THAP6: variants seen among roughly 807,000 people sequenced by gnomAD.
THAP6 encodes the protein THAP domain containing 6.
Under a neutral mutation model 20.0 loss-of-function variants are expected in THAP6, and 13 were observed. That is an observed-to-expected ratio of 0.65 (90% CI 0.42 to 1.03). THAP6 has a LOEUF of 1.03. Among genes scored for constraint, THAP6 ranks in the 50% least tolerant of loss-of-function variants. THAP6 has a pLI of 0.00. For synonymous variants in THAP6, 93 were observed against 92.2 expected (o/e 1.01, Z -0.05); for missense variants, 262 against 261.6 (o/e 1.00, Z -0.01).
chr4:75,528,794 A>G lies in THAP6; in HGVS notation c.*1580A>G, dbSNP rs1170946787. The G allele has an allele frequency of 1.6e-5, 16 of 982,920 alleles. No individual in the cohort carries two copies. Among genetic ancestry groups the G allele is most frequent in the Non-Finnish European group, 1.8e-5 (15 of 828,212 alleles). 60.9% of individuals were successfully genotyped at this position (982,920 alleles called of 1,614,324 possible). Reference sequence around the variant, plus strand: ...GGCCGGGTGGTGGCTCATACCTGTAATCCTAGCACTTTGGGAGGCCAAGGC... The same window carrying G: ...GGCCGGGTGGTGGCTCATACCTGTAGTCCTAGCACTTTGGGAGGCCAAGGC... On this transcript the variant is annotated 3_prime_UTR_variant, in exon 5 of 5. Coordinates refer to ENST00000311638, the MANE Select transcript of THAP6 (RefSeq NM_144721.6).
At chr4:75,545,485 T>C (rs976468330) in intron 3 of THAP6, among the ~76,000 whole-genome samples, 6 of 152,148 alleles carry the variant, frequency 3.9e-5, no homozygotes, top group Admixed American at 2.0e-4. Flanking sequence ...TAAGCAAGCC[T>C]TGCAGGAAGT....
downstream of THAP6, among the ~76,000 whole-genome samples, chr4:75,533,354 T>G (rs1726745627): frequency 6.6e-6 from 1 of 152,212 alleles, no homozygotes; most frequent in Non-Finnish European, 1.5e-5. Flanking sequence ...GATTTCATTG[T>G]CCATATTGTT....
At chr4:75,517,009 T>C (rs756399516) in intron 3 of THAP6, 30 bp downstream of exon 3, 1 of 1,388,746 alleles carries the variant, frequency 7.2e-7, no homozygotes, top group African/African-American at 1.5e-5. Flanking sequence ...TTTACCATCA[T>C]TGCTCACTTT....
chr4:75,526,984 A>T lies in THAP6; in HGVS notation c.439A>T (p.Ser147Cys), dbSNP rs1252127416. 1 of 1,614,062 alleles carries T rather than the reference A, an allele frequency of 6.2e-7. No homozygotes were observed. The highest frequency in any genetic ancestry group is 1.7e-5 in the Admixed American group (1 of 60,002). Residue 147 changes from serine (S) to cysteine (C), a missense_variant, in exon 5 of 5, where the codon AGT (serine) becomes TGT (cysteine). Ser to Cys is a moderately radical substitution (Grantham distance 112). Transcript: ENST00000311638. ...GGAACATAGCTACAGTGTAATGGAC[A>T]GTCCAAAGAAACTTAAGCATAAATT... is the stretch of plus-strand genomic sequence containing the variant. ...IFEHSYSVMD[S>C]PKKLKHKLDH...
intron 1 of THAP6, chr4:75,514,775 G>A (rs1007948822): frequency 3.8e-5 from 6 of 157,876 alleles, no homozygotes; most frequent in African/African-American, 1.2e-4. Flanking sequence ...TGGACGCCAG[G>A]GTGCTCGCTG....
upstream of THAP6, chr4:75,514,023 G>A (rs1217580949): frequency 1.1e-5 from 11 of 960,428 alleles, no homozygotes; most frequent in Admixed American, 5.9e-5. Flanking sequence ...GGAAAGGTGG[G>A]GCTTATCGCC....
chr4:75,530,985 A>G (rs2148826074), downstream of THAP6, among the ~76,000 whole-genome samples: 1 of 152,320 alleles, frequency 6.6e-6, no homozygotes, highest in Non-Finnish European at 1.5e-5. Context: ...AGCCCCACAG[A>G]AAACTCTGAA....
At chr4:75,540,000 G>C (rs995138818) in intron 2 of THAP6, 3 of 1,526,530 alleles carry the variant, frequency 2.0e-6, no homozygotes, top group African/African-American at 2.8e-5. Context: ...CTCTCTTGTG[G>C]CAGCTCAGAA....
chr4:75,528,020 A>G lies in THAP6; in HGVS notation c.*806A>G, dbSNP rs1469101141. 1.4e-5 allele frequency: 14 copies of G among 985,136 alleles called. No individual in the cohort carries two copies. The Admixed American group carries it at 8.0e-4, about 56-fold the overall frequency. The allele number at this position is 985,136 out of a possible 1,614,324, so 61.0% of individuals were successfully genotyped here. A position where few individuals can be genotyped will look rare whatever the true frequency, so the allele number is the denominator to read the frequency against. Reference sequence around the variant, plus strand: ...AAATCTGAATGGCAGTACTAGCTCTATACTTTTAATACTGCTTTGTATTTT... The same window carrying G: ...AAATCTGAATGGCAGTACTAGCTCTGTACTTTTAATACTGCTTTGTATTTT... On this transcript the variant is annotated 3_prime_UTR_variant, in exon 5 of 5. Coordinates refer to ENST00000311638, the MANE Select transcript of THAP6 (RefSeq NM_144721.6).
chr4:75,522,802 A>G (rs1039343095), intron 4 of THAP6, among the ~76,000 whole-genome samples: 5 of 152,170 alleles, frequency 3.3e-5, no homozygotes, highest in African/African-American at 4.8e-5. Context: ...ATAGTACTCC[A>G]TGGTGTTTAA....
Position 75,514,507 on chromosome 4 carries a change from C to T in THAP6, c.-34C>T, listed in dbSNP as rs980609686. ...CTCCGTCGTTGACGTTAGTCGCAGT[C>T]TTCGCTGCTAACGGTAATAACTCTT... On this transcript the variant is annotated 5_prime_UTR_variant, in exon 1 of 5. Transcript: ENST00000311638. 4 of 520,846 alleles carry T rather than the reference C, an allele frequency of 7.7e-6. No individual in the cohort carries two copies. The highest frequency in any genetic ancestry group is 3.8e-5 in the African/African-American group (2 of 52,976). The allele number at this position is 520,846 out of a possible 1,614,324, so 32.3% of individuals were successfully genotyped here.
At chr4:75,514,001 A>G, upstream of THAP6, 2 of 740,512 alleles carry the variant, frequency 2.7e-6, no homozygotes, top group Non-Finnish European at 4.1e-6. Flanking sequence ...CTTTAAAGGT[A>G]CGAAGCAGGT....
chr4:75,524,459 AC>A (rs1726239244), intron 4 of THAP6, among the ~76,000 whole-genome samples: 1 of 152,188 alleles, frequency 6.6e-6, no homozygotes, highest in Non-Finnish European at 1.5e-5. Context: ...TACAGGACTT[AC>A]TTTAACATTT....
Position 75,527,769 on chromosome 4 carries a change from T to A in THAP6, c.*555T>A. On this transcript the variant is annotated 3_prime_UTR_variant, in exon 5 of 5. Coordinates refer to ENST00000311638, the MANE Select transcript of THAP6 (RefSeq NM_144721.6). ...CTCTGAGAATAACACATAGTGAAGA[T>A]CTGTGGGCTTTTAAAATTGTTCACA... is the stretch of plus-strand genomic sequence containing the variant. 1.0e-6 allele frequency: 1 copy of A among 986,644 alleles called. No individual in the cohort carries two copies. The highest frequency in any genetic ancestry group is 1.2e-6 in the Non-Finnish European group (1 of 830,778). The allele number at this position is 986,644 out of a possible 1,614,324, so 61.1% of individuals were successfully genotyped here.
chr4:75,529,692 C>T lies in THAP6; in HGVS notation c.*2478C>T, dbSNP rs1412365161. On this transcript the variant is annotated 3_prime_UTR_variant, in exon 5 of 5. Transcript: ENST00000311638. ...CCCCCTCCAGAAATTTCTCTGGCAG[C>T]CAAGCCTGACCCTAAGGGTTCCACT... 1.0e-6 allele frequency: 1 copy of T among 985,456 alleles called. No individual in the cohort carries two copies. The highest frequency in any genetic ancestry group is 1.2e-6 in the Non-Finnish European group (1 of 829,960). The allele number at this position is 985,456 out of a possible 1,614,324, so 61.0% of individuals were successfully genotyped here.
intron 3 of THAP6, chr4:75,544,790 G>A (rs1010722794): frequency 6.6e-6 from 1 of 151,660 alleles, no homozygotes; most frequent in Non-Finnish European, 1.5e-5. Context: ...TAATCTGTAG[G>A]TTCCCACTCC....
Position 75,529,168 on chromosome 4 carries a change from A to G in THAP6, c.*1954A>G. On this transcript the variant is annotated 3_prime_UTR_variant, in exon 5 of 5. Coordinates refer to ENST00000311638, the MANE Select transcript of THAP6 (RefSeq NM_144721.6). ...GGGTATGATCTTAGGTTTTATGGAG[A>G]TGTTTTCAATAGAGATTATTTTTCC... The G allele has an allele frequency of 1.0e-6, 1 of 983,178 alleles. No homozygotes were observed. Among genetic ancestry groups the G allele is most frequent in the Non-Finnish European group, 1.2e-6 (1 of 827,886 alleles). 60.9% of individuals were successfully genotyped at this position (983,178 alleles called of 1,614,324 possible).
chr4:75,539,247 C>T (rs139720827), intron 2 of THAP6, among the ~76,000 whole-genome samples: 1,913 of 152,288 alleles, frequency 0.013, 35 homozygotes, highest in African/African-American at 0.044. Context: ...TATACCACAG[C>T]ATCTTACAGT....
At position 75,516,827 on chromosome 4, in the gene THAP6, G is replaced by T; in HGVS notation, c.136G>T (p.Asp46Tyr). 6.2e-7 allele frequency: 1 copy of T among 1,614,040 alleles called. No individual in the cohort carries two copies. Among genetic ancestry groups the T allele is most frequent in the South Asian group, 1.1e-5 (1 of 91,072 alleles). ...RKWVLAMKRL[D>Y]VNAAGIWEPK... ...ATGGGTATTAGCAATGAAAAGACTT[G>T]ATGTGAATGCAGCCGGCATTTGGGA... Residue 46 changes from aspartate to tyrosine, a missense_variant, in exon 3 of 5, where the codon GAT becomes TAT. Transcript: ENST00000311638.
Sources: gnomAD v4.1 joint callset for allele counts (sites outside exome capture counted in the v4.1 genomes callset) on GRCh38, gnomAD v4.1.1 for gene constraint, MANE v1.5 for transcripts, NCBI Gene and HGNC (gene_info 2026-07-23, HGNC 2026-07-21) for gene names.